The following ZNF469 variants were observed in gnomAD, a reference collection of about 807,000 sequenced individuals.
ZNF469 encodes zinc finger protein 469.
A neutral mutation model predicts 1.0 loss-of-function variants in ZNF469; 1 was observed. That is an observed-to-expected ratio of 1.00 (90% CI 0.35 to 4.73). The LOEUF is 4.73. Ranked by LOEUF, ZNF469 falls within the 30% of genes most tolerant of loss-of-function variation. ZNF469 has a pLI of 0.16. For missense variants in ZNF469, 6,100 were observed against 5,356.3 expected (o/e 1.14, Z -4.33); for synonymous variants, 2,703 against 2,363.4 (o/e 1.14, Z -4.17).
the ZNF469 span, among the ~76,000 whole-genome samples, chr16:88,269,954 C>A: frequency 6.6e-6 from 1 of 152,192 alleles, no homozygotes; most frequent in Middle Eastern, 3.4e-3. Flanking sequence ...TCCTTTAGAG[C>A]AGAGTGTTTT....
chr16:88,389,430 C>T (rs891031178), intron 1 of ZNF469, among the ~76,000 whole-genome samples: 6 of 152,256 alleles, frequency 3.9e-5, no homozygotes, highest in African/African-American at 1.4e-4. Context: ...TGGCTTGCCT[C>T]CCCTGTCTGG....
At chr16:88,250,479 C>T in the ZNF469 span, among the ~76,000 whole-genome samples, 1 of 152,026 alleles carries the variant, frequency 6.6e-6, no homozygotes, top group Non-Finnish European at 1.5e-5. Context: ...TTTATCCTGC[C>T]CGGGCTTCAC....
At position 88,429,549 on chromosome 16, in the gene ZNF469, G is replaced by C; in HGVS notation, c.2079G>C (p.Glu693Asp). ...QCLEETPFPH[E>D]GPEVGRGGLQ... Reference sequence around the variant, plus strand: ...TGGAGGAGACCCCATTCCCCCACGAGGGCCCCGAGGTGGGTCGGGGAGGGC... The same window carrying C: ...TGGAGGAGACCCCATTCCCCCACGACGGCCCCGAGGTGGGTCGGGGAGGGC... The change falls in exon 3 of 3, where the codon GAG becomes GAC. Residue 693 changes from glutamate to aspartate, a missense_variant. Transcript: ENST00000565624. The C allele has an allele frequency of 6.5e-7, 1 of 1,550,142 alleles. No homozygotes were observed. The highest frequency in any genetic ancestry group is 1.4e-5 in the African/African-American group (1 of 73,172).
the ZNF469 span, among the ~76,000 whole-genome samples, chr16:88,296,028 C>G: frequency 6.6e-6 from 1 of 152,226 alleles, no homozygotes; most frequent in Non-Finnish European, 1.5e-5. Context: ...CCCCCTCGGG[C>G]TCTCGGCTCT....
intron 1 of ZNF469, among the ~76,000 whole-genome samples, chr16:88,386,109 C>T (rs143486382): frequency 1.1e-3 from 170 of 152,248 alleles, no homozygotes; most frequent in African/African-American, 3.9e-3. Flanking sequence ...TTCTTCCCAG[C>T]GCCCTCCCCA....
the ZNF469 span, among the ~76,000 whole-genome samples, chr16:88,342,679 G>C: frequency 1.3e-5 from 2 of 152,342 alleles, no homozygotes; most frequent in South Asian, 4.1e-4. Context: ...ACCATGGGGG[G>C]ACTGAGGCTG....
Position 88,436,941 on chromosome 16 carries a change from G to A in ZNF469, c.9471G>A (p.Glu3157=), listed in dbSNP as rs1306615706. 16 of 1,491,414 alleles carry A rather than the reference G, an allele frequency of 1.1e-5. No homozygotes were observed. Among genetic ancestry groups the A allele is most frequent in the South Asian group, 1.3e-5 (1 of 77,220 alleles). 92.4% of individuals were successfully genotyped at this position (1,491,414 alleles called of 1,614,324 possible). ...TGGAGCGCAGGTTTGGCTCGCGGGA[G>A]CTGCTGCGGGGGCACCTGCAGGAGA... ...MCVERRFGSR[E]LLRGHLQERH... The change falls in exon 3 of 3, where the codon GAG becomes GAA. Residue 3157 remains glutamate, a synonymous_variant. Coordinates refer to ENST00000565624, the MANE Select transcript of ZNF469 (RefSeq NM_001367624.2).
At chr16:88,323,574 T>G in the ZNF469 span, among the ~76,000 whole-genome samples, 2 of 152,008 alleles carry the variant, frequency 1.3e-5, no homozygotes, top group African/African-American at 4.8e-5. Flanking sequence ...CCCAAGAGCC[T>G]CAGGACCCTG....
At chr16:88,265,438 T>C in the ZNF469 span, among the ~76,000 whole-genome samples, 1 of 152,112 alleles carries the variant, frequency 6.6e-6, no homozygotes, top group Admixed American at 6.5e-5. Context: ...GGCCTCCCAG[T>C]GAGTCATGAG....
chr16:88,429,770 C>A lies in ZNF469; in HGVS notation c.2300C>A (p.Ser767Tyr). ...AGGGCCAAGGATGGCCACCAGCGGT[C>A]TCCAGGCCCCCCTGGGCTCCCCTCG... is the stretch of plus-strand genomic sequence containing the variant. ...LARAKDGHQR[S>Y]PGPPGLPSPP... is the part of the protein sequence containing the mutation. Residue 767 changes from serine (S) to tyrosine (Y), a missense_variant, in exon 3 of 3, where the codon TCT (serine) becomes TAT (tyrosine). Transcript: ENST00000565624. 2 of 1,544,880 alleles carry A rather than the reference C, an allele frequency of 1.3e-6. No individual in the cohort carries two copies. Among genetic ancestry groups the A allele is most frequent in the Non-Finnish European group, 8.7e-7 (1 of 1,144,860 alleles).
the ZNF469 span, among the ~76,000 whole-genome samples, chr16:88,229,638 T>TGTGGATGTAACGCGTGTGGATGTAACGC: frequency 1.5e-5 from 2 of 133,074 alleles, no homozygotes; most frequent in Non-Finnish European, 3.1e-5. Flanking sequence ...GGATGTCACG[T>TGTGGATGTAACGCGTGTGGATGTAACGC]GTGTGTGCTG....
the ZNF469 span, among the ~76,000 whole-genome samples, chr16:88,234,216 G>A: frequency 6.6e-6 from 1 of 152,328 alleles, no homozygotes; most frequent in African/African-American, 2.4e-5. Flanking sequence ...CGTTTTTCTA[G>A]TAAGGCCCCC....
At chr16:88,316,669 C>T in the ZNF469 span, among the ~76,000 whole-genome samples, 5 of 150,878 alleles carry the variant, frequency 3.3e-5, no homozygotes, top group Admixed American at 6.6e-5. Flanking sequence ...GCCTCAGCCT[C>T]CCGAGTGGCT....
intron 1 of ZNF469, among the ~76,000 whole-genome samples, chr16:88,396,998 CGGG>C (rs1567500261): frequency 2.7e-5 from 4 of 149,920 alleles, no homozygotes; most frequent in Non-Finnish European, 5.9e-5. Context: ...GAAGGGAGGC[CGGG>C]AGGAGACCCT....
chr16:88,240,734 A>G, the ZNF469 span, among the ~76,000 whole-genome samples: 2 of 152,188 alleles, frequency 1.3e-5, no homozygotes, highest in Admixed American at 6.5e-5. Context: ...AGACAGGCAC[A>G]TCACCACTGT....
chr16:88,435,353 A>T lies in ZNF469; in HGVS notation c.7883A>T (p.Glu2628Val). 3 of 1,550,350 alleles carry T rather than the reference A, an allele frequency of 1.9e-6. No homozygotes were observed. The highest frequency in any genetic ancestry group is 2.6e-6 in the Non-Finnish European group (3 of 1,146,974). ...ACCGTGGACTCTCCTAGCCACTCAG[A>T]GGGGAAGTCAAATAAGAAAAGGGGA... ...EPTVDSPSHS[E>V]GKSNKKRGKL... Residue 2628 changes from glutamate (E) to valine (V), a missense_variant, in exon 3 of 3, where the codon GAG (glutamate) becomes GTG (valine). Coordinates refer to ENST00000565624, the MANE Select transcript of ZNF469 (RefSeq NM_001367624.2).
chr16:88,374,754 G>A, the ZNF469 span, among the ~76,000 whole-genome samples: 1 of 152,164 alleles, frequency 6.6e-6, no homozygotes, highest in South Asian at 2.1e-4. Context: ...GTGTGCTGTG[G>A]GCTGAGATCG....
the ZNF469 span, among the ~76,000 whole-genome samples, chr16:88,140,424 C>CCCGG: frequency 6.7e-6 from 1 of 148,870 alleles, no homozygotes; most frequent in African/African-American, 2.5e-5. Context: ...CGGGGGGTAG[C>CCCGG]ACGGAGGAAA....
At chr16:88,199,983 G>A in the ZNF469 span, among the ~76,000 whole-genome samples, 22 of 152,182 alleles carry the variant, frequency 1.4e-4, no homozygotes, top group Non-Finnish European at 8.8e-5. Context: ...CCTTCATGCC[G>A]GGCTCACCAC....
Sources: allele counts gnomAD v4.1 joint callset (sites outside exome capture counted in the v4.1 genomes callset), GRCh38; gene constraint gnomAD v4.1.1; transcripts MANE v1.5; gene names NCBI Gene and HGNC (gene_info 2026-07-23, HGNC 2026-07-21).